COQ8B: variants seen among roughly 807,000 people sequenced by gnomAD.
The protein encoded by COQ8B is atypical kinase COQ8B, mitochondrial.
In COQ8B, 44 loss-of-function variants were observed where a neutral mutation model predicts 62.0. That is an observed-to-expected ratio of 0.71 (90% CI 0.56 to 0.91). The LOEUF (loss-of-function observed/expected upper bound fraction) is 0.91, where lower values mean the gene tolerates loss of function less well. COQ8B is among the 40% of genes least tolerant of loss of function. The pLI, the probability that COQ8B is intolerant of heterozygous loss-of-function variation, is 0.00. For synonymous variants in COQ8B, 252 were observed against 289.9 expected, an observed-to-expected ratio of 0.87 and a Z score of 1.33; for missense variants, 649 against 731.6, an observed-to-expected ratio of 0.89 and a Z score of 1.30.
rs530698918 is a variant in COQ8B, at chr19:40,706,638, T to A, written c.368-1191A>T. Among the ~76,000 whole-genome samples the A allele has an allele frequency of 2.0e-5, 3 of 152,264 alleles. No homozygotes were observed. In the South Asian group the frequency reaches 6.2e-4, roughly 32 times the overall value. ...CCATGCTTGGCTAATATTTTTACTT[T>A]CTGTAAAAATGGGGCCTCGCTATGT... is the stretch of plus-strand genomic sequence containing the variant. On this transcript the variant is annotated intron_variant, in intron 5 of 14. Transcript: ENST00000324464.
At chr19:40,692,435 A>G in intron 14 of COQ8B, 62 bp from the exon 15 acceptor site, 1 of 1,465,376 alleles carries the variant, frequency 6.8e-7, no homozygotes, top group Non-Finnish European at 9.3e-7. Flanking sequence ...CCTCTGCATA[A>G]CCCAGAAACA....
intron 4 of COQ8B, among the ~76,000 whole-genome samples, chr19:40,710,394 G>A (rs1433841440): frequency 6.6e-6 from 1 of 152,056 alleles, no homozygotes; most frequent in Non-Finnish European, 1.5e-5. Context: ...ACAGGCACGC[G>A]CCCACCACGC....
Position 40,713,876 on chromosome 19 carries a change from C to CA in COQ8B, c.289+190dup, listed in dbSNP as rs374895523. ...TGGGTGACAAAGTGAGACTCTGTCT[C>CA]AAAAAAAAAAAAAAAAATTATCATT... On this transcript the variant is annotated intron_variant, in intron 4 of 14. Coordinates refer to ENST00000324464, the MANE Select transcript of COQ8B (RefSeq NM_024876.4). Among the ~76,000 whole-genome samples, 913 of 116,404 alleles carry CA rather than the reference C, an allele frequency of 7.8e-3. 7 individuals carry two copies. The highest frequency in any genetic ancestry group is 0.027 in the Admixed American group (299 of 11,148). The allele number at this position is 116,404 out of a possible 152,430, so 76.4% of individuals were successfully genotyped here.
At chr19:40,692,686 TC>T in intron 14 of COQ8B, among the ~76,000 whole-genome samples, 1 of 152,020 alleles carries the variant, frequency 6.6e-6, no homozygotes, top group East Asian at 1.9e-4. Flanking sequence ...TTCCCAGGGT[TC>T]CTGAGAAGTC....
At chr19:40,704,148 C>CTTT (rs1188224323) in intron 7 of COQ8B, 18 of 163,062 alleles carry the variant, frequency 1.1e-4, no homozygotes, top group South Asian at 4.2e-4. Flanking sequence ...CATAACAATC[C>CTTT]TTTTTTTTTT....
At chr19:40,709,858 AT>A (rs2082127735) in intron 5 of COQ8B, among the ~76,000 whole-genome samples, 200 bp downstream of exon 5, 1 of 152,154 alleles carries the variant, frequency 6.6e-6, no homozygotes, top group African/African-American at 2.4e-5. Context: ...AAAAAAAAAA[AT>A]CTAATATGCT....
At chr19:40,711,473 C>T (rs1467037816) in intron 4 of COQ8B, among the ~76,000 whole-genome samples, 1 of 152,322 alleles carries the variant, frequency 6.6e-6, no homozygotes, top group South Asian at 2.1e-4. Context: ...ATCCTCCTGC[C>T]TCGGCCTCCC....
intron 4 of COQ8B, among the ~76,000 whole-genome samples, chr19:40,710,665 T>C (rs1484240430): frequency 1.3e-5 from 2 of 152,142 alleles, no homozygotes; most frequent in Non-Finnish European, 2.9e-5. Context: ...CATGTCTCTG[T>C]CTCCCTCCCA....
intron 7 of COQ8B, 129 bp from the exon 8 acceptor site, chr19:40,703,984 C>G: frequency 1.6e-6 from 2 of 1,232,780 alleles, no homozygotes; most frequent in Non-Finnish European, 2.2e-6. Flanking sequence ...CTGCCACCCC[C>G]TTTGCAGATG....
rs947372913 is a variant in COQ8B at position 40,696,934 on chromosome 19, C to T, written c.1144-880G>A. 3.9e-5 allele frequency among the ~76,000 whole-genome samples: 6 copies of T among 152,150 alleles called. No individual in the cohort carries two copies. The South Asian group carries it at 6.2e-4, about 16-fold the overall frequency. ...GTGCTTTTTGCCCAGCATGGTTTTG[C>T]GATTTATCCCTGTTGCCATGTGTCG... On this transcript the variant is annotated intron_variant, in intron 12 of 14. Coordinates refer to ENST00000324464, the MANE Select transcript of COQ8B (RefSeq NM_024876.4).
Position 40,692,439 on chromosome 19 carries a change from A to G in COQ8B, c.1297-66T>C, listed in dbSNP as rs2144677627. ...GGACATAGAGCCCTCTGCATAACCC[A>G]GAAACAACGTGTAGCCTCCACTCCC... On this transcript the variant is annotated intron_variant, in intron 14 of 14. Transcript: ENST00000324464. 4.2e-6 allele frequency: 6 copies of G among 1,429,120 alleles called. No individual in the cohort carries two copies. The East Asian group carries it at 1.2e-4, about 29-fold the overall frequency. 88.5% of individuals were successfully genotyped at this position (1,429,120 alleles called of 1,614,324 possible). A position where few individuals can be genotyped will look rare whatever the true frequency, so the allele number is the denominator to read the frequency against.
In COQ8B at chr19:40,700,422, C is replaced by T. The variant is rs147037877; in HGVS notation, c.923G>A (p.Arg308Gln). 1.1e-5 allele frequency: 17 copies of T among 1,613,714 alleles called. No individual in the cohort carries two copies. The highest frequency in any genetic ancestry group is 5.3e-5 in the African/African-American group (4 of 74,932). ...RQLLANDPFFRVPAVVKELCT... is the reference protein window; with the variant it reads ...RQLLANDPFFQVPAVVKELCT... Reference sequence around the variant, plus strand: ...CAGCTCCTTAACCACGGCTGGGACCCGGAAGAAGGGGTCATTTGCCAGCAG... The same window carrying T: ...CAGCTCCTTAACCACGGCTGGGACCTGGAAGAAGGGGTCATTTGCCAGCAG... Residue 308 changes from arginine (R) to glutamine (Q), a missense_variant, in exon 11 of 15, where the codon CGG becomes CAG. Transcript: ENST00000324464.
intron 4 of COQ8B, 131 bp downstream of exon 4, chr19:40,713,936 C>T (rs540986017): frequency 1.0e-6 from 1 of 988,192 alleles, no homozygotes; most frequent in East Asian, 2.5e-5. Flanking sequence ...CCTTGCAGGC[C>T]CTTGCCTTTG....
chr19:40,695,522 C>T (rs892775061), intron 13 of COQ8B, among the ~76,000 whole-genome samples: 3 of 151,990 alleles, frequency 2.0e-5, no homozygotes, highest in Admixed American at 2.0e-4. Context: ...ACAGAGTTGC[C>T]CCCAGGGACA....
intron 5 of COQ8B, among the ~76,000 whole-genome samples, chr19:40,706,974 C>T (rs1039086400): frequency 5.9e-5 from 9 of 152,140 alleles, no homozygotes; most frequent in African/African-American, 1.9e-4. Flanking sequence ...AGTTACACCA[C>T]GCAAAAAAGA....
chr19:40,700,895 G>A (rs1171730159), intron 10 of COQ8B: 1 of 167,576 alleles, frequency 6.0e-6, no homozygotes, highest in African/African-American at 2.4e-5. Flanking sequence ...TCTGAACACA[G>A]GTAAATAGCG....
intron 12 of COQ8B, among the ~76,000 whole-genome samples, chr19:40,698,660 T>C (rs1163488564): frequency 6.6e-6 from 1 of 151,928 alleles, no homozygotes; most frequent in African/African-American, 2.4e-5. Context: ...GTATGCACAT[T>C]GTGGAGAAAG....
intron 7 of COQ8B, 109 bp downstream of exon 7, chr19:40,704,987 G>C: frequency 9.6e-7 from 1 of 1,046,022 alleles, no homozygotes; most frequent in Non-Finnish European, 1.4e-6. Context: ...TACAGATGGG[G>C]AAAGTGAGGC....
chr19:40,698,661 G>T (rs889430404), intron 12 of COQ8B, among the ~76,000 whole-genome samples: 6 of 152,162 alleles, frequency 3.9e-5, no homozygotes, highest in African/African-American at 1.4e-4. Flanking sequence ...TATGCACATT[G>T]TGGAGAAAGA....
Sources: gnomAD v4.1 joint callset for allele counts (sites outside exome capture counted in the v4.1 genomes callset) on GRCh38, gnomAD v4.1.1 for gene constraint, MANE v1.5 for transcripts, NCBI Gene and HGNC (gene_info 2026-07-23, HGNC 2026-07-21) for gene names.